Variants in PCDH11X observed in about 807,000 individuals in gnomAD.
PCDH11X encodes protocadherin 11 X-linked.
PCDH11X carries 18 observed loss-of-function variants against 53.3 expected under a neutral mutation model. The ratio of observed to expected loss-of-function variants is 0.34; its 90% confidence interval spans 0.23 to 0.50. PCDH11X has a LOEUF of 0.50. Ranked by LOEUF, PCDH11X falls within the 20% of genes least tolerant of loss-of-function variation. The pLI is 0.98. For synonymous variants in PCDH11X, 279 were observed against 393.3 expected (o/e 0.71, Z 3.44); for missense variants, 570 against 1,032.4 (o/e 0.55, Z 6.14).
chrX:92,037,319 C>T (rs1428270086), intron 6 of PCDH11X, among the ~76,000 whole-genome samples: 4 of 109,988 alleles, frequency 3.6e-5, no homozygotes, highest in East Asian at 2.9e-4. Flanking sequence ...TTTTGGTTTT[C>T]GGTTCCTGTG....
chrX:92,009,801 C>A (rs1412294123), intron 6 of PCDH11X, among the ~76,000 whole-genome samples: 1 of 101,779 alleles, frequency 9.8e-6, no homozygotes, highest in African/African-American at 3.6e-5. Context: ...CTCCTGGGTT[C>A]AAGTGATTCT....
chrX:92,423,243 T>G lies in PCDH11X; in HGVS notation c.3343+35310T>G, dbSNP rs1443852580. 2.0e-5 allele frequency among the ~76,000 whole-genome samples: 2 copies of G among 97,800 alleles called. 1 individual carries two copies. Among genetic ancestry groups the G allele is most frequent in the Non-Finnish European group, 4.5e-5 (2 of 44,274 alleles). The allele number at this position is 97,800 out of a possible 115,157, so 84.9% of individuals were successfully genotyped here. A position where few individuals can be genotyped will look rare whatever the true frequency, so the allele number is the denominator to read the frequency against. ...CCTTGATAATTAGTGATGTTGAGGC[T>G]TTTTTCATGTTTGTCGGCCATTTGT... is the stretch of plus-strand genomic sequence containing the variant. On this transcript the variant is annotated intron_variant, in intron 9 of 10. Transcript: ENST00000682573.
chrX:92,435,239 A>G (rs2072343603), intron 9 of PCDH11X, among the ~76,000 whole-genome samples: 2 of 111,379 alleles, frequency 1.8e-5, no homozygotes, highest in African/African-American at 6.5e-5. Flanking sequence ...ATTAAGAAAA[A>G]AAAAGAATAA....
At chrX:92,201,529 T>C (rs2066392387) in intron 7 of PCDH11X, 74 bp downstream of exon 7, 2 of 616,542 alleles carry the variant, frequency 3.2e-6, no homozygotes, top group Non-Finnish European at 5.0e-6. Context: ...AGGAATACTC[T>C]TAAGTAGTGT....
chrX:92,353,461 G>A (rs751082146), intron 8 of PCDH11X, among the ~76,000 whole-genome samples: 16 of 110,244 alleles, frequency 1.5e-4, no homozygotes, highest in African/African-American at 3.3e-4. Context: ...TACAAGACTC[G>A]CTTCTTATAA....
intron 6 of PCDH11X, among the ~76,000 whole-genome samples, chrX:91,936,401 C>T (rs994423110): frequency 9.1e-5 from 10 of 109,399 alleles, no homozygotes; most frequent in Admixed American, 7.9e-4. Flanking sequence ...ACCCTCTTAA[C>T]ATTTAGCTAA....
At chrX:92,127,942 G>A (rs1361271870) in intron 6 of PCDH11X, among the ~76,000 whole-genome samples, 1 of 111,370 alleles carries the variant, frequency 9.0e-6, no homozygotes, top group Non-Finnish European at 1.9e-5. Flanking sequence ...GACTATGGTT[G>A]AAGTGGGGAG....
chrX:92,149,823 GT>G (rs1207065008), intron 6 of PCDH11X, among the ~76,000 whole-genome samples: 1 of 110,986 alleles, frequency 9.0e-6, no homozygotes, highest in Non-Finnish European at 1.9e-5. Flanking sequence ...TTTTCAAGAA[GT>G]TTATATCAAT....
intron 6 of PCDH11X, among the ~76,000 whole-genome samples, chrX:92,033,091 G>A (rs1378030123): frequency 9.2e-6 from 1 of 109,114 alleles, no homozygotes; most frequent in Admixed American, 9.9e-5. Context: ...TTAGGCATAA[G>A]TCACTGGGCC....
intron 8 of PCDH11X, among the ~76,000 whole-genome samples, chrX:92,296,899 A>G (rs2068621067): frequency 1.3e-5 from 1 of 77,962 alleles, no homozygotes; most frequent in African/African-American, 4.9e-5. Context: ...CACCCTCACC[A>G]GTATCTGTTA....
chrX:92,101,204 TGAGAACG>T (rs1287729718), intron 6 of PCDH11X, among the ~76,000 whole-genome samples: 4 of 111,403 alleles, frequency 3.6e-5, no homozygotes, highest in African/African-American at 1.3e-4. Context: ...TATGAGTAGT[TGAGAACG>T]GAGAATAGGA....
chrX:91,828,120 C>CTTTTTT (rs764755111), intron 4 of PCDH11X, among the ~76,000 whole-genome samples: 2 of 84,874 alleles, frequency 2.4e-5, no homozygotes, highest in Admixed American at 1.3e-4. Context: ...AGGCAGAATT[C>CTTTTTT]TTTTTTTTTT....
chrX:92,283,001 C>T (rs1432220463), intron 8 of PCDH11X, among the ~76,000 whole-genome samples: 1 of 110,939 alleles, frequency 9.0e-6, no homozygotes, highest in African/African-American at 3.3e-5. Context: ...TTATTGAGCT[C>T]ATGTCATGTG....
intron 6 of PCDH11X, among the ~76,000 whole-genome samples, chrX:92,134,739 A>G (rs1489156218): frequency 1.8e-5 from 2 of 111,549 alleles, no homozygotes; most frequent in East Asian, 2.8e-4. Context: ...TCGACCATAT[A>G]GGGTCACTTC....
chrX:92,581,652 T>G (rs1923723807), intron 10 of PCDH11X, among the ~76,000 whole-genome samples: 1 of 111,923 alleles, frequency 8.9e-6, no homozygotes, highest in South Asian at 3.8e-4. Flanking sequence ...AGTAAATTGG[T>G]ACTGAGAGTG....
intron 6 of PCDH11X, among the ~76,000 whole-genome samples, chrX:91,932,613 G>A (rs1435899498): frequency 9.9e-6 from 1 of 101,127 alleles, no homozygotes; most frequent in African/African-American, 3.6e-5. Context: ...GAGAACAAGA[G>A]AAGAGAGGGA....
intron 4 of PCDH11X, among the ~76,000 whole-genome samples, chrX:91,825,089 A>T (rs1936861314): frequency 9.0e-6 from 1 of 111,230 alleles, no homozygotes; most frequent in South Asian, 3.7e-4. Context: ...GCTGTCAGAC[A>T]GGGACATTTA....
chrX:91,827,521 T>C (rs1936963284), intron 4 of PCDH11X, among the ~76,000 whole-genome samples: 1 of 109,954 alleles, frequency 9.1e-6, no homozygotes, highest in Non-Finnish European at 1.9e-5. Flanking sequence ...CATCATGAAA[T>C]CTTTGCCACT....
At chrX:92,173,017 G>T (rs1343712992) in intron 6 of PCDH11X, among the ~76,000 whole-genome samples, 1 of 111,784 alleles carries the variant, frequency 8.9e-6, no homozygotes, top group African/African-American at 3.2e-5. Flanking sequence ...GTGGCAAGCA[G>T]AAATTGTTCC....
Sources: gnomAD v4.1 joint callset for allele counts (sites outside exome capture counted in the v4.1 genomes callset) on GRCh38, gnomAD v4.1.1 for gene constraint, MANE v1.5 for transcripts, NCBI Gene and HGNC (gene_info 2026-07-23, HGNC 2026-07-21) for gene names.